Variants in DIAPH3 observed in about 807,000 individuals in gnomAD.
DIAPH3 encodes diaphanous related formin 3.
DIAPH3 carries 117 observed loss-of-function variants against 144.3 expected under a neutral mutation model. The observed-to-expected ratio is 0.81, with a 90% CI of 0.70 to 0.95. The LOEUF (loss-of-function observed/expected upper bound fraction) is 0.95. Among genes scored for constraint, DIAPH3 ranks in the 40% least tolerant of loss-of-function variants. The pLI, the probability that DIAPH3 is intolerant of heterozygous loss-of-function variation, is 0.00. For missense variants in DIAPH3, 1,421 were observed against 1,412.7 expected (o/e 1.01, Z -0.09); for synonymous variants, 519 against 488.9 (o/e 1.06, Z -0.81).
chr13:59,686,622 T>G (rs1053483258), intron 27 of DIAPH3, among the ~76,000 whole-genome samples: 41 of 152,254 alleles, frequency 2.7e-4, no homozygotes, highest in African/African-American at 9.6e-4. Flanking sequence ...AACATACTTA[T>G]GTTTTATACA....
At chr13:59,900,045 C>G (rs2046344782) in intron 20 of DIAPH3, among the ~76,000 whole-genome samples, 2 of 152,130 alleles carry the variant, frequency 1.3e-5, no homozygotes, top group South Asian at 4.1e-4. Context: ...AGAATTCATT[C>G]AGAGCTCAAT....
At position 60,125,394 on chromosome 13, in the gene DIAPH3, A is replaced by ATTTTTTTTTTTTTTTTTTTTTTTT. The variant is rs56267083; in HGVS notation, c.213+7539_213+7562dup. On this transcript the variant is annotated intron_variant, in intron 2 of 27. Transcript: ENST00000400324. ...ATCTGCATACCATCACACCCAGCTA[A>ATTTTTTTTTTTTTTTTTTTTTTTT]TTTTTTTTTTTTTTTTTTTTTTTTT... Among the ~76,000 whole-genome samples the ATTTTTTTTTTTTTTTTTTTTTTTT allele has an allele frequency of 6.9e-4, 68 of 97,858 alleles. 2 individuals are homozygous for ATTTTTTTTTTTTTTTTTTTTTTTT. Among genetic ancestry groups the ATTTTTTTTTTTTTTTTTTTTTTTT allele is most frequent in the Non-Finnish European group, 1.0e-3 (52 of 51,026 alleles). The allele number at this position is 97,858 out of a possible 152,430, so 64.2% of individuals were successfully genotyped here.
chr13:59,981,815 T>G (rs768197615), intron 13 of DIAPH3, among the ~76,000 whole-genome samples: 5 of 151,434 alleles, frequency 3.3e-5, no homozygotes, highest in Non-Finnish European at 7.4e-5. Context: ...GTTAGTTTCT[T>G]AACTGTAAAT....
intron 27 of DIAPH3, among the ~76,000 whole-genome samples, chr13:59,753,503 T>C (rs1298855321): frequency 6.6e-6 from 1 of 152,200 alleles, no homozygotes; most frequent in Non-Finnish European, 1.5e-5. Context: ...AGTAGCAGTA[T>C]TGAGATTTTT....
chr13:60,013,239 G>C, intron 7 of DIAPH3: 1 of 983,206 alleles, frequency 1.0e-6, no homozygotes, highest in Non-Finnish European at 1.2e-6. Context: ...CCTATTATTA[G>C]CTAATAGATG....
chr13:59,970,246 A>G (rs1302285914), intron 16 of DIAPH3, among the ~76,000 whole-genome samples, 188 bp from the exon 17 acceptor site: 2 of 152,238 alleles, frequency 1.3e-5, no homozygotes, highest in Non-Finnish European at 2.9e-5. Context: ...TATTAGGAAG[A>G]AAAGGCTTCC....
At chr13:59,779,603 C>A (rs2038624731) in intron 25 of DIAPH3, among the ~76,000 whole-genome samples, 2 of 151,770 alleles carry the variant, frequency 1.3e-5, no homozygotes, top group South Asian at 4.2e-4. Flanking sequence ...CCTCTGCCTC[C>A]CGGGTCCAAG....
intron 4 of DIAPH3, among the ~76,000 whole-genome samples, chr13:60,052,898 T>G (rs1209755763): frequency 7.5e-6 from 1 of 133,602 alleles, no homozygotes; most frequent in African/African-American, 2.9e-5. Flanking sequence ...GAGGCAGAGA[T>G]TGTAGTGAGC....
intron 17 of DIAPH3, among the ~76,000 whole-genome samples, chr13:59,964,337 A>G (rs1421376125): frequency 2.0e-5 from 3 of 152,062 alleles, no homozygotes; most frequent in Non-Finnish European, 4.4e-5. Context: ...GAAAGGAGAA[A>G]AAAGAAGGAA....
chr13:59,783,662 T>G (rs2038872327), intron 25 of DIAPH3, among the ~76,000 whole-genome samples: 1 of 152,212 alleles, frequency 6.6e-6, no homozygotes, highest in Non-Finnish European at 1.5e-5. Flanking sequence ...TTATTGGGCA[T>G]ATTACTTAGT....
intron 2 of DIAPH3, among the ~76,000 whole-genome samples, chr13:60,117,654 A>G (rs963828729): frequency 2.0e-5 from 3 of 152,154 alleles, no homozygotes; most frequent in African/African-American, 4.8e-5. Context: ...AGAGGTTACT[A>G]TGATTCCATT....
chr13:60,035,921 T>C (rs1302449324), intron 5 of DIAPH3, among the ~76,000 whole-genome samples: 2 of 152,220 alleles, frequency 1.3e-5, no homozygotes, highest in Non-Finnish European at 2.9e-5. Context: ...TGATGTACTA[T>C]ATTGCTGATT....
intron 2 of DIAPH3, among the ~76,000 whole-genome samples, chr13:60,112,974 A>C (rs1280298978): frequency 2.0e-5 from 3 of 152,212 alleles, no homozygotes; most frequent in African/African-American, 7.2e-5. Context: ...ATGTTTCAAC[A>C]ATCAAAAATG....
At chr13:59,880,883 G>A (rs765858758) in intron 20 of DIAPH3, among the ~76,000 whole-genome samples, 6 of 145,940 alleles carry the variant, frequency 4.1e-5, no homozygotes, top group Non-Finnish European at 6.0e-5. Flanking sequence ...AATTAATGTA[G>A]TTATTAATAA....
At chr13:59,967,884 C>A (rs1029656151) in intron 17 of DIAPH3, among the ~76,000 whole-genome samples, 1 of 152,060 alleles carries the variant, frequency 6.6e-6, no homozygotes, top group Admixed American at 6.6e-5. Context: ...TGTGTTCCCC[C>A]TGGAAATGTC....
intron 3 of DIAPH3, among the ~76,000 whole-genome samples, chr13:60,097,916 C>T (rs1299768364): frequency 2.0e-5 from 3 of 152,034 alleles, no homozygotes; most frequent in Non-Finnish European, 4.4e-5. Context: ...GAAGAAAACT[C>T]CATGAGGCAG....
At position 59,707,838 on chromosome 13, in the gene DIAPH3, A is replaced by G. The variant is rs537857945; in HGVS notation, c.3320-40992T>C. On this transcript the variant is annotated intron_variant, in intron 27 of 27. Transcript: ENST00000400324. ...AACTGTCCATGCTCCAATAAGGCCA[A>G]CTCCTCCTCTTGCAACCTAGACTTC... 3.3e-5 allele frequency among the ~76,000 whole-genome samples: 5 copies of G among 151,674 alleles called. No individual in the cohort carries two copies. In the East Asian group the frequency reaches 5.8e-4, roughly 18 times the overall value.
chr13:59,915,242 G>A (rs1171470158), intron 19 of DIAPH3, among the ~76,000 whole-genome samples: 1 of 152,078 alleles, frequency 6.6e-6, no homozygotes, highest in South Asian at 2.1e-4. Flanking sequence ...TTAAATAAGA[G>A]TAGCTGAATC....
intron 25 of DIAPH3, among the ~76,000 whole-genome samples, chr13:59,784,145 C>G (rs185369265): frequency 6.7e-6 from 1 of 150,012 alleles, no homozygotes; most frequent in South Asian, 2.1e-4. Context: ...TGCAGTGGCG[C>G]GATCTCGGCT....
Sources: allele counts gnomAD v4.1 joint callset (sites outside exome capture counted in the v4.1 genomes callset), GRCh38; gene constraint gnomAD v4.1.1; transcripts MANE v1.5; gene names NCBI Gene and HGNC (gene_info 2026-07-23, HGNC 2026-07-21).